NACC2: variants seen among roughly 807,000 people sequenced by gnomAD.
NACC2 encodes nucleus accumbens-associated protein 2.
A neutral mutation model predicts 25.1 loss-of-function variants in NACC2; 8 were observed. The observed-to-expected ratio is 0.32, with a 90% CI of 0.19 to 0.57. The LOEUF (loss-of-function observed/expected upper bound fraction) is 0.57. NACC2 is among the 20% of genes least tolerant of loss of function. NACC2 has a pLI of 0.89. For missense variants in NACC2, 644 were observed against 650.2 expected, an observed-to-expected ratio of 0.99 and a Z score of 0.10; for synonymous variants, 435 against 294.7, an observed-to-expected ratio of 1.48 and a Z score of -4.88.
chr9:136,082,864 T>C (rs975821653), intron 1 of NACC2, among the ~76,000 whole-genome samples: 10 of 152,208 alleles, frequency 6.6e-5, no homozygotes, highest in African/African-American at 2.4e-4. Context: ...CCATCTTCCA[T>C]AAGCAGCTGA....
At chr9:136,094,759 C>T (rs1830470539) in intron 1 of NACC2, among the ~76,000 whole-genome samples, 1 of 151,912 alleles carries the variant, frequency 6.6e-6, no homozygotes, top group African/African-American at 2.4e-5. Context: ...GCCCTGGCCC[C>T]GGGCCAGTCC....
At position 136,022,185 on chromosome 9, in the gene NACC2, G is replaced by A. The variant is rs1385256566; in HGVS notation, c.887-5756C>T. Among the ~76,000 whole-genome samples the A allele has an allele frequency of 6.6e-6, 1 of 152,242 alleles. No individual in the cohort carries two copies. The highest frequency in any genetic ancestry group is 1.5e-5 in the Non-Finnish European group (1 of 68,050). The stretch of plus-strand genomic sequence containing the variant: ...TGAACTTGGTGGCATCAGGCGCAGA[G>A]CAGGTGCACAGGGACCCAGGTGGAA... On this transcript the variant is annotated intron_variant, in intron 2 of 5. Transcript: ENST00000277554. This position sits in a 1 kb window ranked among gnomAD's most constrained non-coding sequence, Gnocchi z 4.4.
intron 2 of NACC2, among the ~76,000 whole-genome samples, chr9:136,044,482 G>A (rs1840689378): frequency 2.6e-5 from 4 of 152,212 alleles, no homozygotes; most frequent in Middle Eastern, 6.8e-3. Flanking sequence ...TGCAGCCAAC[G>A]GCACTCCCCG....
At chr9:136,059,804 G>A (rs908800762) in intron 1 of NACC2, among the ~76,000 whole-genome samples, 4 of 152,172 alleles carry the variant, frequency 2.6e-5, no homozygotes, top group African/African-American at 9.7e-5. Context: ...ATGTCACCCG[G>A]CTTCCCCAGC....
At chr9:136,054,358 TTGTCC>T (rs1840893672) in intron 1 of NACC2, among the ~76,000 whole-genome samples, 1 of 152,202 alleles carries the variant, frequency 6.6e-6, no homozygotes, top group East Asian at 1.9e-4. Flanking sequence ...TTTTGCTGGC[TTGTCC>T]TCAGGCCACC....
rs1840813643 is a variant in NACC2 at position 136,050,571 on chromosome 9, C to T, written c.-50G>A. ...GGCTCTCAGCGCGGGGCGGCCCTAG[C>T]GGGGCTCATCTGTGGGGGGCAGGAG... On this transcript the variant is annotated 5_prime_UTR_variant, in exon 2 of 6. Coordinates refer to ENST00000277554, the MANE Select transcript of NACC2 (RefSeq NM_144653.5). The T allele has an allele frequency of 4.1e-6, 3 of 726,730 alleles. No homozygotes were observed. The East Asian group carries it at 7.7e-5, about 19-fold the overall frequency. The allele number at this position is 726,730 out of a possible 1,614,324, so 45.0% of individuals were successfully genotyped here. A position where few individuals can be genotyped will look rare whatever the true frequency, so the allele number is the denominator to read the frequency against.
chr9:136,058,201 G>A (rs1840955872), intron 1 of NACC2, among the ~76,000 whole-genome samples: 1 of 152,318 alleles, frequency 6.6e-6, no homozygotes, highest in South Asian at 2.1e-4. Flanking sequence ...GGGCAGCAGG[G>A]AACCCAGGCT....
chr9:136,016,834 A>G (rs551061039), intron 2 of NACC2, among the ~76,000 whole-genome samples: 2 of 152,046 alleles, frequency 1.3e-5, no homozygotes, highest in African/African-American at 4.8e-5. Flanking sequence ...GCAAGACAGG[A>G]TGGAGGATGG....
intron 1 of NACC2, among the ~76,000 whole-genome samples, chr9:136,085,900 C>T (rs1830374431): frequency 6.6e-6 from 1 of 152,212 alleles, no homozygotes; most frequent in Non-Finnish European, 1.5e-5. Flanking sequence ...GGCCGGGCGC[C>T]GTGCAGGGCA....
intron 2 of NACC2, among the ~76,000 whole-genome samples, chr9:136,049,004 C>T (rs889118053): frequency 1.3e-4 from 20 of 152,370 alleles, no homozygotes; most frequent in South Asian, 8.3e-4. Flanking sequence ...CGATCCTGGG[C>T]ACCAACTGTG....
Position 136,063,402 on chromosome 9 carries a change from T to C in NACC2, c.-59-12822A>G, listed in dbSNP as rs556228516. 2.6e-5 allele frequency among the ~76,000 whole-genome samples: 4 copies of C among 152,324 alleles called. No individual in the cohort carries two copies. The East Asian group carries it at 7.7e-4, about 29-fold the overall frequency. On this transcript the variant is annotated intron_variant, in intron 1 of 5. Coordinates refer to ENST00000277554, the MANE Select transcript of NACC2 (RefSeq NM_144653.5). ...TCTTCAATCCAGGAAAGAGGTCACG[T>C]ACATTGCAGAAGCAAACACCTCCCT...
At chr9:136,056,441 G>T (rs1840925999) in intron 1 of NACC2, among the ~76,000 whole-genome samples, 1 of 152,214 alleles carries the variant, frequency 6.6e-6, no homozygotes, top group Non-Finnish European at 1.5e-5. Context: ...CTCACAGTCG[G>T]GAGGCAGCGG....
chr9:136,087,020 G>C (rs552291979), intron 1 of NACC2, among the ~76,000 whole-genome samples: 2 of 152,226 alleles, frequency 1.3e-5, no homozygotes, highest in African/African-American at 4.8e-5. Flanking sequence ...CCGGATTTAG[G>C]GTGGACCCTA....
intron 1 of NACC2, among the ~76,000 whole-genome samples, chr9:136,067,789 C>G (rs566329398): frequency 2.2e-4 from 34 of 152,304 alleles, no homozygotes; most frequent in African/African-American, 6.3e-4. Flanking sequence ...GAGCCGAGAT[C>G]GCGGCACTGC....
chr9:136,030,987 G>A lies in NACC2; in HGVS notation c.887-14558C>T, dbSNP rs149724751. On this transcript the variant is annotated intron_variant, in intron 2 of 5. Coordinates refer to ENST00000277554, the MANE Select transcript of NACC2 (RefSeq NM_144653.5). ...ATACATCTCAACTTTAGACGGAGCC[G>A]ATGAACTTCCAGATATACACAACTT... Among the ~76,000 whole-genome samples the A allele has an allele frequency of 8.5e-5, 13 of 152,196 alleles. No individual in the cohort carries two copies. The East Asian group carries it at 1.4e-3, about 16-fold the overall frequency.
At chr9:136,047,624 A>T (rs917226591) in intron 2 of NACC2, among the ~76,000 whole-genome samples, 1 of 152,162 alleles carries the variant, frequency 6.6e-6, no homozygotes, top group Non-Finnish European at 1.5e-5. Flanking sequence ...CTCAGCCCCA[A>T]TGGGACTGTA....
intron 1 of NACC2, among the ~76,000 whole-genome samples, chr9:136,078,489 A>C (rs992028968): frequency 3.9e-5 from 6 of 152,208 alleles, no homozygotes; most frequent in Admixed American, 3.3e-4. Context: ...GAGAAATACC[A>C]TTACCCTACT....
chr9:136,076,476 G>A (rs568277084), intron 1 of NACC2, among the ~76,000 whole-genome samples: 5 of 152,150 alleles, frequency 3.3e-5, no homozygotes, highest in Non-Finnish European at 5.9e-5. Context: ...CCACTCACAC[G>A]CGGGCACAGA....
intron 1 of NACC2, among the ~76,000 whole-genome samples, chr9:136,088,868 G>A (rs1181155145): frequency 6.6e-6 from 1 of 152,226 alleles, no homozygotes; most frequent in African/African-American, 2.4e-5. Context: ...AGCCAGCCCA[G>A]CCCCCGGCAT....
Sources: allele counts gnomAD v4.1 joint callset (sites outside exome capture counted in the v4.1 genomes callset), GRCh38; gene constraint gnomAD v4.1.1; non-coding constraint Gnocchi (gnomAD v3.1); transcripts MANE v1.5; gene names NCBI Gene and HGNC (gene_info 2026-07-23, HGNC 2026-07-21).